Variants in RUFY4 observed in about 807,000 individuals in gnomAD.
RUFY4 encodes RUN and FYVE domain-containing protein 4.
RUFY4 carries 73 observed loss-of-function variants against 69.0 expected under a neutral mutation model. The ratio of observed to expected loss-of-function variants is 1.06; its 90% confidence interval spans 0.88 to 1.29. RUFY4 has a LOEUF of 1.29. Among genes scored for constraint, RUFY4 ranks in the 50% most tolerant of loss-of-function variants. The probability of loss-of-function intolerance (pLI) is 0.00; values close to 1 mark genes in which losing one functional copy is unlikely to be tolerated. For missense variants in RUFY4, 770 were observed against 705.6 expected (o/e 1.09, Z -1.03); for synonymous variants, 287 against 271.8 (o/e 1.06, Z -0.55).
intron 2 of RUFY4, among the ~76,000 whole-genome samples, chr2:218,051,703 T>G (rs113320174): frequency 0.014 from 2,071 of 152,146 alleles, 45 homozygotes; most frequent in African/African-American, 0.046. Context: ...TGTGATTAGG[T>G]TGCCTGGATT....
upstream of RUFY4, among the ~76,000 whole-genome samples, chr2:218,065,964 C>G (rs574304232): frequency 6.6e-6 from 1 of 151,760 alleles, no homozygotes; most frequent in African/African-American, 2.4e-5. Context: ...GCCTAGCAGC[C>G]TCCCTGGGGA....
intron 7 of RUFY4, 52 bp from the exon 10 acceptor site, chr2:218,076,375 G>A: frequency 1.3e-6 from 2 of 1,537,754 alleles, no homozygotes; most frequent in Non-Finnish European, 1.8e-6. Context: ...CCCAGCACTG[G>A]GGTCTCTGCC....
intron 2 of RUFY4, among the ~76,000 whole-genome samples, chr2:218,046,857 C>T (rs978842038): frequency 2.0e-5 from 3 of 151,998 alleles, no homozygotes; most frequent in Non-Finnish European, 4.4e-5. Context: ...ATTTCAGGGA[C>T]CCTTCTGGAA....
chr2:218,068,809 T>C, upstream of RUFY4: 1 of 152,608 alleles, frequency 6.6e-6, no homozygotes, highest in Non-Finnish European at 1.5e-5. Context: ...AGCACTCAGG[T>C]GGACCGCTCA....
chr2:218,054,386 C>T lies in RUFY4; in HGVS notation c.-1157-4209C>T, dbSNP rs1689012657. On this transcript the variant is annotated intron_variant and NMD_transcript_variant, in intron 2 of 13. Transcript: ENST00000457754. ...CCTGGCCAACATAGCAAAACCCCAA[C>T]TCTACTGAAAATACAAAAATTAGCC... 3.3e-5 allele frequency among the ~76,000 whole-genome samples: 5 copies of T among 152,124 alleles called. No individual in the cohort carries two copies. The South Asian group carries it at 1.0e-3, about 32-fold the overall frequency.
At chr2:218,072,548 A>T (rs1297589465) in intron 3 of RUFY4, 49 bp downstream of exon 5, 1 of 1,529,510 alleles carries the variant, frequency 6.5e-7, no homozygotes, top group Admixed American at 2.0e-5. Context: ...GGGTAGACAT[A>T]GGCCTCCTCC....
At chr2:218,039,248 T>C (rs75434699) in intron 2 of RUFY4, among the ~76,000 whole-genome samples, 1,865 of 152,270 alleles carry the variant, frequency 0.012, 39 homozygotes, top group African/African-American at 0.042. Flanking sequence ...TTGACATTTG[T>C]GGTAGGGCAA....
At chr2:218,053,602 C>T (rs556854504) in intron 2 of RUFY4, among the ~76,000 whole-genome samples, 2 of 152,258 alleles carry the variant, frequency 1.3e-5, no homozygotes, top group East Asian at 1.9e-4. Flanking sequence ...CTCCGCCTCC[C>T]GGATTCATCC....
intron 2 of RUFY4, among the ~76,000 whole-genome samples, chr2:218,039,508 C>T (rs1959029750): frequency 1.3e-5 from 2 of 152,208 alleles, no homozygotes; most frequent in Non-Finnish European, 2.9e-5. Context: ...GATTCTTGCT[C>T]ACAGGCTGGG....
chr2:218,047,486 C>T (rs1688854927), intron 2 of RUFY4, among the ~76,000 whole-genome samples: 2 of 152,006 alleles, frequency 1.3e-5, no homozygotes, highest in East Asian at 1.9e-4. Context: ...CTCTCTTTTT[C>T]TCTTAAGGAA....
At chr2:218,069,750 C>T (rs956499967), upstream of RUFY4, among the ~76,000 whole-genome samples, 5 of 152,224 alleles carry the variant, frequency 3.3e-5, no homozygotes, top group African/African-American at 1.2e-4. Context: ...CCCCAAACTC[C>T]AACAGCCACA....
At chr2:218,077,446 C>A (rs193272058) in intron 8 of RUFY4, among the ~76,000 whole-genome samples, 1 of 152,196 alleles carries the variant, frequency 6.6e-6, no homozygotes, top group South Asian at 2.1e-4. Flanking sequence ...AATTCCTAGG[C>A]TCAAGCTTCA....
upstream of RUFY4, among the ~76,000 whole-genome samples, chr2:218,068,174 G>A (rs562636550): frequency 6.7e-6 from 1 of 150,342 alleles, no homozygotes; most frequent in African/African-American, 2.5e-5. Flanking sequence ...CAGGGGGTTA[G>A]AGGAGGGCAG....
intron 2 of RUFY4, among the ~76,000 whole-genome samples, chr2:218,056,078 A>T (rs1400713734): frequency 6.6e-6 from 1 of 152,010 alleles, no homozygotes; most frequent in Non-Finnish European, 1.5e-5. Context: ...TAGAGGTGAC[A>T]CTCTCTGCTT....
At chr2:218,053,490 C>T (rs1688989613) in intron 2 of RUFY4, among the ~76,000 whole-genome samples, 1 of 151,922 alleles carries the variant, frequency 6.6e-6, no homozygotes, top group Admixed American at 6.6e-5. Flanking sequence ...AGACTACAGG[C>T]ATGCGCCACC....
chr2:218,067,282 T>C (rs148780644), upstream of RUFY4, among the ~76,000 whole-genome samples: 838 of 152,216 alleles, frequency 5.5e-3, 15 homozygotes, highest in African/African-American at 0.019. Context: ...CCAATCCATA[T>C]ACACACAGCA....
intron 9 of RUFY4, among the ~76,000 whole-genome samples, chr2:218,085,557 G>C (rs1689873607): frequency 6.6e-6 from 1 of 152,176 alleles, no homozygotes; most frequent in Non-Finnish European, 1.5e-5. Flanking sequence ...AAAATGGTTG[G>C]AGAAGTGGAT....
intron 6 of RUFY4, among the ~76,000 whole-genome samples, chr2:218,074,286 G>T (rs1015993901): frequency 6.6e-6 from 1 of 152,144 alleles, no homozygotes; most frequent in South Asian, 2.1e-4. Flanking sequence ...CAGGTTGCCC[G>T]GTTGAATTCC....
At position 218,074,248 on chromosome 2, in the gene RUFY4, A is replaced by G. The variant is rs369505748; in HGVS notation, c.600+363A>G. Among the ~76,000 whole-genome samples, 333 of 152,320 alleles carry G rather than the reference A, an allele frequency of 2.2e-3. 1 individual carries two copies. The highest frequency in any genetic ancestry group is 7.6e-3 in the African/African-American group (316 of 41,554). Reference sequence around the variant, plus strand: ...GCACTGGACAATTGACACATGACTCAGTTCAGTTCAAGAAGTGACTAAAGA... The same window carrying G: ...GCACTGGACAATTGACACATGACTCGGTTCAGTTCAAGAAGTGACTAAAGA... On this transcript the variant is annotated intron_variant, in intron 6 of 10. Transcript: ENST00000344321.
Sources: gnomAD v4.1 joint callset for allele counts (sites outside exome capture counted in the v4.1 genomes callset) on GRCh38, gnomAD v4.1.1 for gene constraint, MANE v1.5 for transcripts, NCBI Gene and HGNC (gene_info 2026-07-23, HGNC 2026-07-21) for gene names.